The following NKAIN3 variants were observed in gnomAD, a reference collection of about 807,000 sequenced individuals.
The protein encoded by NKAIN3 is sodium/potassium transporting ATPase interacting 3, also known as sodium/potassium-transporting ATPase subunit beta-1-interacting protein 3.
A neutral mutation model predicts 30.2 loss-of-function variants in NKAIN3; 25 were observed. The ratio of observed to expected loss-of-function variants is 0.83; its 90% CI spans 0.60 to 1.16. The LOEUF (loss-of-function observed/expected upper bound fraction) is 1.16, where lower values mean the gene tolerates loss of function less well. Ranked by LOEUF, NKAIN3 falls within the 50% of genes most tolerant of loss-of-function variation. The probability of loss-of-function intolerance (pLI) is 0.00; values close to 1 mark genes in which losing one functional copy is unlikely to be tolerated. For synonymous variants in NKAIN3, 91 were observed against 89.6 expected (o/e 1.02, Z -0.09); for missense variants, 225 against 254.1 (o/e 0.89, Z 0.78).
chr8:62,681,007 G>T (rs1813628020), intron 3 of NKAIN3, among the ~76,000 whole-genome samples: 1 of 152,060 alleles, frequency 6.6e-6, no homozygotes, highest in Admixed American at 6.5e-5. Context: ...TTTGTAATAT[G>T]AAATTAAAAT....
intron 3 of NKAIN3, among the ~76,000 whole-genome samples, chr8:62,704,537 A>G (rs931130): frequency 0.18 from 27,187 of 152,104 alleles, 2,618 homozygotes; most frequent in East Asian, 0.38. Context: ...GTAGGCTCAT[A>G]TGTAAAAGTT....
intron 3 of NKAIN3, among the ~76,000 whole-genome samples, chr8:62,620,447 G>T (rs1335546304): frequency 1.3e-5 from 2 of 152,064 alleles, no homozygotes; most frequent in Non-Finnish European, 2.9e-5. Context: ...ATATTTGGGG[G>T]TAGTGTGTCC....
chr8:62,801,668 A>G (rs1449728541), intron 4 of NKAIN3, among the ~76,000 whole-genome samples: 7 of 152,326 alleles, frequency 4.6e-5, no homozygotes, highest in African/African-American at 4.8e-5. Flanking sequence ...AAAGATGGGG[A>G]AAAAACAGAG....
At chr8:62,913,402 A>G (rs1821984598) in intron 4 of NKAIN3, among the ~76,000 whole-genome samples, 1 of 152,224 alleles carries the variant, frequency 6.6e-6, no homozygotes, top group Admixed American at 6.5e-5. Context: ...CAGCCCCATT[A>G]TAATTTCATA....
chr8:62,598,980 G>A (rs937466036), intron 3 of NKAIN3, among the ~76,000 whole-genome samples: 3 of 151,956 alleles, frequency 2.0e-5, no homozygotes, highest in Non-Finnish European at 4.4e-5. Flanking sequence ...AAGATTAGAG[G>A]TCTCACTGAT....
At chr8:62,581,868 A>ACTCCCTTCCTTCCTCCCTCCCTCC (rs1810309343) in intron 2 of NKAIN3, among the ~76,000 whole-genome samples, 1 of 4,568 alleles carries the variant, frequency 2.2e-4, no homozygotes, top group African/African-American at 6.1e-4. Flanking sequence ...ACCCATCCTC[A>ACTCCCTTCCTTCCTCCCTCCCTCC]CTCCCTTCCT....
At chr8:62,582,628 A>G (rs1342010801) in intron 2 of NKAIN3, among the ~76,000 whole-genome samples, 2 of 152,146 alleles carry the variant, frequency 1.3e-5, no homozygotes, top group African/African-American at 2.4e-5. Flanking sequence ...AGGCACCACA[A>G]GGTCCATAGA....
At chr8:62,424,444 CA>C (rs1234094481) in intron 1 of NKAIN3, among the ~76,000 whole-genome samples, 1 of 77,458 alleles carries the variant, frequency 1.3e-5, no homozygotes, top group East Asian at 4.0e-4. Context: ...TCATACAACT[CA>C]ATAGCAAAAA....
At chr8:62,594,680 C>T (rs1810768079) in intron 3 of NKAIN3, among the ~76,000 whole-genome samples, 1 of 152,054 alleles carries the variant, frequency 6.6e-6, no homozygotes, top group African/African-American at 2.4e-5. Flanking sequence ...TTCCCCATTA[C>T]ATTTCACTAC....
intron 1 of NKAIN3, among the ~76,000 whole-genome samples, chr8:62,492,231 A>G (rs2129638116): frequency 6.6e-6 from 1 of 152,272 alleles, no homozygotes; most frequent in African/African-American, 2.4e-5. Context: ...TCAATGGGAA[A>G]TATGGCACAG....
chr8:62,929,889 T>C (rs73262889), intron 5 of NKAIN3, among the ~76,000 whole-genome samples: 6,037 of 152,242 alleles, frequency 0.04, 361 homozygotes, highest in African/African-American at 0.13. Context: ...TAGTGTTAGC[T>C]TATTTTATGT....
At chr8:62,852,004 T>C (rs189607718) in intron 4 of NKAIN3, among the ~76,000 whole-genome samples, 189 of 150,530 alleles carry the variant, frequency 1.3e-3, no homozygotes, top group Non-Finnish European at 1.7e-3. Context: ...TCTTTTTCTA[T>C]TGATAGGAAT....
intron 1 of NKAIN3, among the ~76,000 whole-genome samples, chr8:62,288,576 C>A (rs1813460213): frequency 1.3e-5 from 2 of 152,084 alleles, no homozygotes. Flanking sequence ...TAAACTCATC[C>A]TTTTTTATGG....
chr8:62,902,212 C>T (rs1004038201), intron 4 of NKAIN3, among the ~76,000 whole-genome samples: 16 of 152,138 alleles, frequency 1.1e-4, no homozygotes, highest in Admixed American at 1.3e-4. Flanking sequence ...AATATGCTTC[C>T]TGAAATACTG....
At position 62,906,434 on chromosome 8, in the gene NKAIN3, G is replaced by T. The variant is rs1311876026; in HGVS notation, c.472-12019G>T. Among the ~76,000 whole-genome samples the T allele has an allele frequency of 3.3e-5, 5 of 152,192 alleles. No individual in the cohort carries two copies. The East Asian group carries it at 9.6e-4, about 29-fold the overall frequency. ...TGTCTGCCTCCCATAGGCAGACTTGGTGAAGGATTTCAGAGAGTCATTTTG... is the reference window on the plus strand; with the variant it reads ...TGTCTGCCTCCCATAGGCAGACTTGTTGAAGGATTTCAGAGAGTCATTTTG... On this transcript the variant is annotated intron_variant, in intron 4 of 6. Transcript: ENST00000623646.
chr8:62,852,168 CCT>C (rs1156897928), intron 4 of NKAIN3, among the ~76,000 whole-genome samples: 2 of 152,060 alleles, frequency 1.3e-5, no homozygotes, highest in Admixed American at 6.6e-5. Flanking sequence ...TCATCTTTTT[CCT>C]GATTTAGTCT....
intron 4 of NKAIN3, among the ~76,000 whole-genome samples, chr8:62,889,019 G>C (rs1396335924): frequency 6.6e-6 from 1 of 152,062 alleles, no homozygotes; most frequent in Non-Finnish European, 1.5e-5. Context: ...CAATGGACTA[G>C]ATGCAAAGTT....
intron 4 of NKAIN3, among the ~76,000 whole-genome samples, chr8:62,894,674 C>A (rs1209198267): frequency 6.6e-6 from 1 of 152,118 alleles, no homozygotes; most frequent in Non-Finnish European, 1.5e-5. Flanking sequence ...CACTTAGACA[C>A]TGAATTAAGC....
intron 6 of NKAIN3, among the ~76,000 whole-genome samples, chr8:62,964,292 T>C (rs1224626591): frequency 6.6e-6 from 1 of 152,186 alleles, no homozygotes; most frequent in East Asian, 1.9e-4. Context: ...GGAGAGAAAC[T>C]GTGAGAGCAA....
Sources: gnomAD v4.1 joint callset for allele counts (sites outside exome capture counted in the v4.1 genomes callset) on GRCh38, gnomAD v4.1.1 for gene constraint, MANE v1.5 for transcripts, NCBI Gene and HGNC (gene_info 2026-07-23, HGNC 2026-07-21) for gene names.